Variants in TRAPPC9 observed in about 807,000 individuals in gnomAD.
TRAPPC9 encodes trafficking protein particle complex subunit 9.
TRAPPC9 carries 83 observed loss-of-function variants against 124.0 expected under a neutral mutation model. The ratio of observed to expected loss-of-function variants is 0.67; its 90% CI spans 0.56 to 0.80. The LOEUF (loss-of-function observed/expected upper bound fraction) is 0.80. Ranked by LOEUF, TRAPPC9 falls within the 30% of genes least tolerant of loss-of-function variation. TRAPPC9 has a pLI of 0.00. For synonymous variants in TRAPPC9, 638 were observed against 617.5 expected (o/e 1.03, Z -0.49); for missense variants, 1,302 against 1,508.3 (o/e 0.86, Z 2.27).
chr8:139,736,313 C>T (rs1352240462), intron 21 of TRAPPC9, among the ~76,000 whole-genome samples: 1 of 152,200 alleles, frequency 6.6e-6, no homozygotes, highest in East Asian at 1.9e-4. Context: ...TGCAGGAAAC[C>T]CTCAGTGCCA....
rs116907505 is a variant in TRAPPC9, at chr8:140,220,130, C to T, written c.2556+1329G>A. Among the ~76,000 whole-genome samples the T allele has an allele frequency of 2.4e-3, 362 of 152,290 alleles. 3 individuals are homozygous for T. The highest frequency in any genetic ancestry group is 0.02 in the East Asian group (102 of 5,176). On this transcript the variant is annotated intron_variant, in intron 17 of 22. Coordinates refer to ENST00000438773, the MANE Select transcript of TRAPPC9 (RefSeq NM_001160372.4). ...CAGACTCCACGAAGGTAAGTCAAGG[C>T]AAGTTGCAAAACTGATGGACAAACA...
At chr8:139,960,576 G>A (rs551029504) in intron 19 of TRAPPC9, among the ~76,000 whole-genome samples, 1 of 152,288 alleles carries the variant, frequency 6.6e-6, no homozygotes, top group Non-Finnish European at 1.5e-5. Context: ...ACCGCCCCAC[G>A]GCTACCAACC....
rs1835323455 is a variant in TRAPPC9, at chr8:139,960,668, T to A, written c.2810+28058A>T. On this transcript the variant is annotated intron_variant, in intron 19 of 22. Coordinates refer to ENST00000438773, the MANE Select transcript of TRAPPC9 (RefSeq NM_001160372.4). ...CCAGGACTCACCAATCTCTCCGTCC[T>A]CAACGGAGAAGCCAGAATCCTGCCT... Among the ~76,000 whole-genome samples, 3 of 63,490 alleles carry A rather than the reference T, an allele frequency of 4.7e-5. 1 individual carries two copies. The highest frequency in any genetic ancestry group is 1.0e-4 in the Non-Finnish European group (2 of 19,390). The allele number at this position is 63,490 out of a possible 152,430, so 41.7% of individuals were successfully genotyped here.
At chr8:140,029,161 A>G (rs1036530566) in intron 17 of TRAPPC9, among the ~76,000 whole-genome samples, 1 of 152,358 alleles carries the variant, frequency 6.6e-6, no homozygotes, top group East Asian at 1.9e-4. Flanking sequence ...TCAAGGAGAA[A>G]CAGAAAATCT....
chr8:140,316,122 T>A (rs552269286), intron 9 of TRAPPC9, among the ~76,000 whole-genome samples: 1 of 152,236 alleles, frequency 6.6e-6, no homozygotes, highest in Non-Finnish European at 1.5e-5. Flanking sequence ...AAGTTTCTGA[T>A]AACTTTGGAG....
intron 17 of TRAPPC9, among the ~76,000 whole-genome samples, chr8:140,049,883 G>A (rs1841871608): frequency 6.6e-6 from 1 of 152,184 alleles, no homozygotes; most frequent in Non-Finnish European, 1.5e-5. Flanking sequence ...AGATCAAGTG[G>A]GAAAGGCTCC....
intron 3 of TRAPPC9, among the ~76,000 whole-genome samples, chr8:140,436,300 C>G (rs954624897): frequency 1.8e-4 from 28 of 152,136 alleles, no homozygotes; most frequent in Non-Finnish European, 4.4e-5. Flanking sequence ...GAGCTGAAAT[C>G]ACGCCATTGC....
At chr8:139,861,659 C>T (rs1370674694) in intron 21 of TRAPPC9, among the ~76,000 whole-genome samples, 1 of 152,218 alleles carries the variant, frequency 6.6e-6, no homozygotes, top group Non-Finnish European at 1.5e-5. Flanking sequence ...ATGCTCTGCA[C>T]TTTTCCTTCT....
At chr8:139,856,344 G>A (rs1259557770) in intron 21 of TRAPPC9, among the ~76,000 whole-genome samples, 1 of 149,228 alleles carries the variant, frequency 6.7e-6, no homozygotes, top group African/African-American at 2.5e-5. Flanking sequence ...CCCTCTCCGG[G>A]GATTTTTTCC....
intron 21 of TRAPPC9, among the ~76,000 whole-genome samples, chr8:139,867,462 G>A (rs960384521): frequency 6.6e-6 from 1 of 152,194 alleles, no homozygotes; most frequent in Admixed American, 6.5e-5. Context: ...TGAGGAATCG[G>A]ATATCCACAC....
intron 17 of TRAPPC9, among the ~76,000 whole-genome samples, chr8:140,117,420 T>A (rs2130573420): frequency 6.6e-6 from 1 of 152,312 alleles, no homozygotes; most frequent in South Asian, 2.1e-4. Flanking sequence ...TAGCAGGTGA[T>A]GAGAGCCTGG....
At chr8:140,359,261 G>A (rs1468105370) in intron 9 of TRAPPC9, among the ~76,000 whole-genome samples, 1 of 152,124 alleles carries the variant, frequency 6.6e-6, no homozygotes, top group Non-Finnish European at 1.5e-5. Flanking sequence ...GCACACATCA[G>A]TCTCCCCAGC....
rs992732626 is a variant in TRAPPC9, at chr8:140,156,598, A to G, written c.2556+64861T>C. 5.5e-4 allele frequency among the ~76,000 whole-genome samples: 84 copies of G among 152,334 alleles called. 2 individuals are homozygous for G. Among genetic ancestry groups the G allele is most frequent in the Admixed American group, 5.2e-3 (79 of 15,304 alleles). On this transcript the variant is annotated intron_variant, in intron 17 of 22. Transcript: ENST00000438773. Reference sequence around the variant, plus strand: ...GCAGCGGGAGCCTCGGAGTTCTGTAATATTCGAATGGAACTGCTGAAGCAG... The same window carrying G: ...GCAGCGGGAGCCTCGGAGTTCTGTAGTATTCGAATGGAACTGCTGAAGCAG...
chr8:140,416,225 T>G (rs557161694), intron 5 of TRAPPC9, among the ~76,000 whole-genome samples: 2 of 152,258 alleles, frequency 1.3e-5, no homozygotes, highest in South Asian at 4.1e-4. Flanking sequence ...CAACCTTACA[T>G]AAATAAATTG....
chr8:139,951,679 T>C lies in TRAPPC9; in HGVS notation c.2810+37047A>G, dbSNP rs577685315. Among the ~76,000 whole-genome samples, 14 of 152,304 alleles carry C rather than the reference T, an allele frequency of 9.2e-5. No homozygotes were observed. In the East Asian group the frequency reaches 2.7e-3, roughly 29 times the overall value. On this transcript the variant is annotated intron_variant, in intron 19 of 22. Coordinates refer to ENST00000438773, the MANE Select transcript of TRAPPC9 (RefSeq NM_001160372.4). ...GGAGGCAGAGGTAGGCCTCTGTTCT[T>C]CTCATTATGTGATTACAGATGCCGA...
intron 21 of TRAPPC9, among the ~76,000 whole-genome samples, chr8:139,854,882 C>A (rs1827705855): frequency 6.6e-6 from 1 of 152,168 alleles, no homozygotes; most frequent in South Asian, 2.1e-4. Flanking sequence ...AGCACACTGG[C>A]CTGCTCATGC....
intron 17 of TRAPPC9, among the ~76,000 whole-genome samples, chr8:140,204,883 G>T (rs1298304695): frequency 6.6e-6 from 1 of 152,240 alleles, no homozygotes; most frequent in Non-Finnish European, 1.5e-5. Context: ...GTGAGAAAAA[G>T]ATCACTGGAT....
At chr8:140,207,173 A>G (rs1222952708) in intron 17 of TRAPPC9, among the ~76,000 whole-genome samples, 1 of 152,166 alleles carries the variant, frequency 6.6e-6, no homozygotes, top group Non-Finnish European at 1.5e-5. Context: ...CATACTAAGG[A>G]TGGTCTCCAT....
chr8:139,966,288 G>A (rs902543532), intron 19 of TRAPPC9, among the ~76,000 whole-genome samples: 29 of 152,318 alleles, frequency 1.9e-4, no homozygotes, highest in South Asian at 6.2e-4. Context: ...CCCGGCACAC[G>A]GAGTGGTGGG....
Sources: allele counts gnomAD v4.1 joint callset (sites outside exome capture counted in the v4.1 genomes callset), GRCh38; gene constraint gnomAD v4.1.1; transcripts MANE v1.5; gene names NCBI Gene and HGNC (gene_info 2026-07-23, HGNC 2026-07-21).